ZNF532: variants seen among roughly 807,000 people sequenced by gnomAD.
The protein encoded by ZNF532 is zinc finger protein 532.
Under a neutral mutation model 89.3 loss-of-function variants are expected in ZNF532, and 22 were observed. The ratio of observed to expected loss-of-function variants is 0.25; its 90% confidence interval spans 0.18 to 0.35. The LOEUF (loss-of-function observed/expected upper bound fraction) is 0.35, where lower values mean the gene tolerates loss of function less well. Among genes scored for constraint, ZNF532 ranks in the 10% least tolerant of loss-of-function variants. The pLI, the probability that ZNF532 is intolerant of heterozygous loss-of-function variation, is 1.00. For synonymous variants in ZNF532, 606 were observed against 649.6 expected, an observed-to-expected ratio of 0.93 and a Z score of 1.02; for missense variants, 1,132 against 1,643.4, an observed-to-expected ratio of 0.69 and a Z score of 5.38.
At position 58,930,987 on chromosome 18, in the gene ZNF532, C is replaced by T. The variant is rs547455853; in HGVS notation, c.2347-3446C>T. Among the ~76,000 whole-genome samples, 625 of 152,118 alleles carry T rather than the reference C, an allele frequency of 4.1e-3. 3 individuals are homozygous for T. Among genetic ancestry groups the T allele is most frequent in the Middle Eastern group, 0.017 (5 of 294 alleles). On this transcript the variant is annotated intron_variant, in intron 3 of 9. Transcript: ENST00000591808. The stretch of plus-strand genomic sequence containing the variant: ...CAAAGCGTGGAATGTGGGTACTTTT[C>T]GGCTTTATTTTCCTATAGCTTTCTA...
intron 7 of ZNF532, among the ~76,000 whole-genome samples, chr18:58,972,006 C>A (rs1325673139): frequency 1.3e-5 from 2 of 152,140 alleles, no homozygotes; most frequent in African/African-American, 4.8e-5. Flanking sequence ...AAGTTTGAGA[C>A]CTGCCTGGGC....
At chr18:58,952,664 C>T (rs1472431526) in intron 6 of ZNF532, among the ~76,000 whole-genome samples, 1 of 152,186 alleles carries the variant, frequency 6.6e-6, no homozygotes, top group Non-Finnish European at 1.5e-5. Context: ...CCTTGGCCTC[C>T]TGAAGTGTTG....
At chr18:58,959,270 G>GTT (rs1460137767) in intron 7 of ZNF532, among the ~76,000 whole-genome samples, 2 of 127,682 alleles carry the variant, frequency 1.6e-5, no homozygotes, top group Non-Finnish European at 1.6e-5. Flanking sequence ...GTTTTTTTTT[G>GTT]TTTTTTTTTG....
At chr18:58,914,497 T>C (rs908403825) in intron 2 of ZNF532, among the ~76,000 whole-genome samples, 30 of 152,148 alleles carry the variant, frequency 2.0e-4, no homozygotes, top group African/African-American at 7.0e-4. Context: ...CTGGCCAACA[T>C]GGTGAAACCC....
intron 2 of ZNF532, among the ~76,000 whole-genome samples, chr18:58,900,207 G>GACTCAT (rs1467349656): frequency 6.6e-6 from 1 of 152,210 alleles, no homozygotes; most frequent in Non-Finnish European, 1.5e-5. Context: ...CGTGGAGCTG[G>GACTCAT]ACTCATCGGA....
intron 7 of ZNF532, among the ~76,000 whole-genome samples, chr18:58,974,069 C>T (rs1432852021): frequency 6.6e-6 from 1 of 152,124 alleles, no homozygotes; most frequent in South Asian, 2.1e-4. Flanking sequence ...GGCACTTATT[C>T]ATAGAACTCT....
chr18:58,982,608 C>T (rs539417363), intron 9 of ZNF532, among the ~76,000 whole-genome samples: 17 of 152,098 alleles, frequency 1.1e-4, no homozygotes, highest in East Asian at 1.9e-4. Flanking sequence ...GGCAATAGAA[C>T]GAGACTCTGT....
chr18:58,953,037 A>G (rs2064374922), intron 6 of ZNF532: 2 of 154,414 alleles, frequency 1.3e-5, no homozygotes, highest in South Asian at 4.1e-4. Context: ...GAAAGGCATG[A>G]AGAGAAAAAG....
At position 58,953,719 on chromosome 18, in the gene ZNF532, G is replaced by T. The variant is rs755735875; in HGVS notation, c.3070G>T (p.Gly1024Trp). 6.2e-7 allele frequency: 1 copy of T among 1,614,066 alleles called. No homozygotes were observed. The highest frequency in any genetic ancestry group is 2.2e-5 in the East Asian group (1 of 44,892). The change falls in exon 7 of 10, where the codon GGG (glycine) becomes TGG (tryptophan). Residue 1024 changes from glycine to tryptophan, a missense_variant. This residue lies in a region of ZNF532 where 415 missense variants were observed against 604.8 expected (regional missense o/e 0.69). Coordinates refer to ENST00000591808, the MANE Select transcript of ZNF532 (RefSeq NM_001375912.1). ...SMETKKVASP[G>W]WTCWECDCLF... ...GGAAACCAAGAAAGTGGCCAGTCCT[G>T]GGTGGACGTGTTGGGAGTGTGACTG...
intron 3 of ZNF532, among the ~76,000 whole-genome samples, chr18:58,922,022 A>G (rs2061133240): frequency 6.6e-6 from 1 of 152,048 alleles, no homozygotes. Flanking sequence ...TGGGAAGATC[A>G]GTTGAGCCTG....
chr18:58,966,738 G>GTTTTTTTTTTTTTT (rs540133909), intron 7 of ZNF532, among the ~76,000 whole-genome samples: 4 of 125,994 alleles, frequency 3.2e-5, no homozygotes, highest in Non-Finnish European at 3.5e-5. Context: ...ATTTTTTTGT[G>GTTTTTTTTTTTTTT]TTTTTTTTTT....
chr18:58,888,641 A>G (rs1274820248), intron 2 of ZNF532, among the ~76,000 whole-genome samples: 1 of 134,078 alleles, frequency 7.5e-6, no homozygotes, highest in Non-Finnish European at 1.5e-5. Context: ...ACACCATTGC[A>G]CTCCAGCCTG....
intron 3 of ZNF532, 142 bp downstream of exon 3, chr18:58,920,775 TGTGTGTGTGTGTGTGTTTGG>T (rs1221353562): frequency 3.1e-6 from 2 of 647,582 alleles, no homozygotes; most frequent in African/African-American, 3.8e-5. Flanking sequence ...TGTGTGTGTG[TGTGTGTGTGTGTGTGTTTGG>T]GGAGGGGAGG....
At chr18:58,920,983 G>A (rs934878887) in intron 3 of ZNF532, among the ~76,000 whole-genome samples, 24 of 151,916 alleles carry the variant, frequency 1.6e-4, no homozygotes, top group African/African-American at 5.6e-4. Flanking sequence ...AGCTATATTC[G>A]GGAGGCTGAG....
intron 2 of ZNF532, among the ~76,000 whole-genome samples, chr18:58,879,077 G>T (rs1426993681): frequency 1.3e-5 from 2 of 152,232 alleles, no homozygotes; most frequent in Admixed American, 1.3e-4. Context: ...AGGGCAGGTT[G>T]TTCTTGTTCT....
chr18:58,917,714 T>A (rs984196181), intron 2 of ZNF532, among the ~76,000 whole-genome samples: 2 of 152,062 alleles, frequency 1.3e-5, no homozygotes, highest in Non-Finnish European at 2.9e-5. Context: ...TTTTTTTTTT[T>A]TAAAAAGTCC....
At chr18:58,945,169 C>T (rs1038088635) in intron 5 of ZNF532, among the ~76,000 whole-genome samples, 2 of 152,134 alleles carry the variant, frequency 1.3e-5, no homozygotes, top group African/African-American at 4.8e-5. Flanking sequence ...GCTCAGTGTC[C>T]CCTGTTCTCA....
chr18:58,924,276 C>G (rs1232985542), intron 3 of ZNF532, among the ~76,000 whole-genome samples: 2 of 152,232 alleles, frequency 1.3e-5, no homozygotes, highest in East Asian at 3.8e-4. Flanking sequence ...TTCTGGTGCT[C>G]ACACCCTGAC....
At chr18:58,964,784 GTTCGGGGT>G (rs1426811390) in intron 7 of ZNF532, among the ~76,000 whole-genome samples, 3 of 151,544 alleles carry the variant, frequency 2.0e-5, no homozygotes, top group African/African-American at 7.3e-5. Context: ...TTTGTAGGGA[GTTCGGGGT>G]AGAGGGAGTT....
Sources: gnomAD v4.1 joint callset for allele counts (sites outside exome capture counted in the v4.1 genomes callset) on GRCh38, gnomAD v4.1.1 for gene constraint, gnomAD v4.1.1 regional missense constraint, MANE v1.5 for transcripts, NCBI Gene and HGNC (gene_info 2026-07-23, HGNC 2026-07-21) for gene names.